Variants in FOXK1 observed in about 807,000 individuals in gnomAD.
FOXK1 encodes the protein forkhead box K1, also known as forkhead box protein K1.
Under a neutral mutation model 51.9 loss-of-function variants are expected in FOXK1, and 19 were observed. That is an observed-to-expected ratio of 0.37 (90% confidence interval 0.26 to 0.54). The LOEUF (loss-of-function observed/expected upper bound fraction) is 0.54, where lower values mean the gene tolerates loss of function less well. Ranked by LOEUF, FOXK1 falls within the 20% of genes least tolerant of loss-of-function variation. The pLI, the probability that FOXK1 is intolerant of heterozygous loss-of-function variation, is 0.87. For synonymous variants in FOXK1, 537 were observed against 482.6 expected (o/e 1.11, Z -1.48); for missense variants, 870 against 1,032.7 (o/e 0.84, Z 2.16).
chr7:4,728,631 C>T (rs1780410708), intron 1 of FOXK1, among the ~76,000 whole-genome samples: 3 of 144,292 alleles, frequency 2.1e-5, no homozygotes, highest in Non-Finnish European at 4.5e-5. Flanking sequence ...TGGTGCAAGC[C>T]TATACTTCTG....
rs1195897690 is a variant in FOXK1 at position 4,756,171 on chromosome 7, G to A, written c.1050+788G>A. On this transcript the variant is annotated intron_variant, in intron 4 of 8. Coordinates refer to ENST00000328914, the MANE Select transcript of FOXK1 (RefSeq NM_001037165.2). This position sits in a 1 kb window ranked among gnomAD's most constrained non-coding sequence, Gnocchi z 4.1. The stretch of plus-strand genomic sequence containing the variant: ...GCTCTGCCATCCCGGCTGGAGTGTG[G>A]TGGCGCGATCTCAGCTCACTGCAAC... Among the ~76,000 whole-genome samples the A allele has an allele frequency of 3.9e-5, 6 of 152,138 alleles. No individual in the cohort carries two copies. The highest frequency in any genetic ancestry group is 5.9e-5 in the Non-Finnish European group (4 of 68,022).
rs549789251 is a variant in FOXK1, at chr7:4,692,665, C to T, written c.560+9797C>T. Among the ~76,000 whole-genome samples, 7 of 152,342 alleles carry T rather than the reference C, an allele frequency of 4.6e-5. 1 individual carries two copies. In the South Asian group the frequency reaches 1.4e-3, roughly 32 times the overall value. On this transcript the variant is annotated intron_variant, in intron 1 of 8. Coordinates refer to ENST00000328914, the MANE Select transcript of FOXK1 (RefSeq NM_001037165.2). Reference sequence around the variant, plus strand: ...CTGACCTCAGGTGATCCGCCTGCCTCAGCCACCCAAAGTGCTGGGATTACA... The same window carrying T: ...CTGACCTCAGGTGATCCGCCTGCCTTAGCCACCCAAAGTGCTGGGATTACA...
At position 4,715,397 on chromosome 7, in the gene FOXK1, C is replaced by G. The variant is rs148643826; in HGVS notation, c.561-25441C>G. ...GGTGGCCCGTGTACAGGAATGGGAT[C>G]GCACGGTGGTCCAGATCGTCTGTGC... On this transcript the variant is annotated intron_variant, in intron 1 of 8. Transcript: ENST00000328914. The surrounding 1 kb of genome is among the most constrained non-coding windows in gnomAD (Gnocchi z 4.5). Among the ~76,000 whole-genome samples the G allele has an allele frequency of 6.6e-6, 1 of 152,048 alleles. No homozygotes were observed. The highest frequency in any genetic ancestry group is 1.5e-5 in the Non-Finnish European group (1 of 68,028).
At chr7:4,744,763 G>A (rs1373991917) in intron 2 of FOXK1, among the ~76,000 whole-genome samples, 1 of 152,238 alleles carries the variant, frequency 6.6e-6, no homozygotes, top group Non-Finnish European at 1.5e-5. Context: ...CAGGAAGGTG[G>A]GGGGCCACCC....
intron 1 of FOXK1, among the ~76,000 whole-genome samples, chr7:4,726,768 A>G (rs1448972668): frequency 2.6e-5 from 4 of 151,790 alleles, no homozygotes; most frequent in South Asian, 2.1e-4. Flanking sequence ...CTTTTCGCCC[A>G]CTCTATTCAT....
chr7:4,688,778 C>A (rs561595357), intron 1 of FOXK1, among the ~76,000 whole-genome samples: 4 of 152,084 alleles, frequency 2.6e-5, no homozygotes, highest in Admixed American at 6.6e-5. Context: ...TGTGTCCCTC[C>A]CCCTTGTCAT....
intron 1 of FOXK1, among the ~76,000 whole-genome samples, chr7:4,689,129 C>G (rs1779858889): frequency 6.6e-6 from 1 of 152,058 alleles, no homozygotes; most frequent in Non-Finnish European, 1.5e-5. Flanking sequence ...AGGCATCCAC[C>G]ACCACGCCTG....
In FOXK1 at chr7:4,765,295, A is replaced by G. The variant is rs988741380; in HGVS notation, c.*2831A>G. ...AGGCCCAGGAAGGGACAGGGCCCAA[A>G]AGGGTTGCATGTCCCGGCCACAAAG... is the stretch of plus-strand genomic sequence containing the variant. On this transcript the variant is annotated 3_prime_UTR_variant, in exon 9 of 9. Coordinates refer to ENST00000328914, the MANE Select transcript of FOXK1 (RefSeq NM_001037165.2). 1 of 152,240 alleles carries G rather than the reference A, an allele frequency of 6.6e-6. No individual in the cohort carries two copies. The highest frequency in any genetic ancestry group is 1.5e-5 in the Non-Finnish European group (1 of 68,056). The allele number at this position is 152,240 out of a possible 1,614,324, so 9.4% of individuals were successfully genotyped here. A position where few individuals can be genotyped will look rare whatever the true frequency, so the allele number is the denominator to read the frequency against.
intron 1 of FOXK1, among the ~76,000 whole-genome samples, chr7:4,718,134 G>A (rs1005670798): frequency 1.3e-5 from 2 of 152,212 alleles, no homozygotes; most frequent in African/African-American, 4.8e-5. Context: ...AGCAGCAGAC[G>A]TGTTGCAGAG....
intron 1 of FOXK1, among the ~76,000 whole-genome samples, chr7:4,718,121 A>G (rs1414881266): frequency 6.6e-6 from 1 of 152,194 alleles, no homozygotes; most frequent in Admixed American, 6.5e-5. Flanking sequence ...CAGATTCACA[A>G]GGAGCAGCAG....
rs1780754364 is a variant in FOXK1, at chr7:4,750,001, G to T, written c.747-4458G>T. 2.0e-5 allele frequency among the ~76,000 whole-genome samples: 3 copies of T among 152,336 alleles called. No individual in the cohort carries two copies. In the South Asian group the frequency reaches 6.2e-4, roughly 32 times the overall value. The stretch of plus-strand genomic sequence containing the variant: ...CCGGCCCCTGGATGCGGTGGAGGCT[G>T]CCCGGGGTGGGTCAGCATGGGGTTG... On this transcript the variant is annotated intron_variant, in intron 2 of 8. Transcript: ENST00000328914.
At chr7:4,739,503 A>G (rs1335117500) in intron 1 of FOXK1, among the ~76,000 whole-genome samples, 1 of 152,200 alleles carries the variant, frequency 6.6e-6, no homozygotes, top group African/African-American at 2.4e-5. Flanking sequence ...GGTGACCTGG[A>G]TAAGTAATGC....
At chr7:4,698,454 G>T (rs1179688670) in intron 1 of FOXK1, among the ~76,000 whole-genome samples, 1 of 151,968 alleles carries the variant, frequency 6.6e-6, no homozygotes, top group Admixed American at 6.6e-5. Flanking sequence ...ACCCAAAAAT[G>T]GGGTGGAGGA....
In FOXK1 at chr7:4,762,655, A is replaced by T. The variant is rs923067551; in HGVS notation, c.*191A>T. 4.7e-5 allele frequency: 28 copies of T among 596,324 alleles called. 1 individual carries two copies. In the African/African-American group the frequency reaches 4.8e-4, roughly 10 times the overall value. The allele number at this position is 596,324 out of a possible 1,614,324, so 36.9% of individuals were successfully genotyped here. On this transcript the variant is annotated 3_prime_UTR_variant, in exon 9 of 9. Transcript: ENST00000328914. This position sits in a 1 kb window ranked among gnomAD's most constrained non-coding sequence, Gnocchi z 5.7. ...TTCCCGTGGTTTAAGACAAAAACAC[A>T]TAAACAAGTTCAGACAACTGATTGT...
intron 1 of FOXK1, among the ~76,000 whole-genome samples, chr7:4,718,852 C>T (rs181636299): frequency 1.3e-5 from 2 of 152,202 alleles, no homozygotes; most frequent in African/African-American, 4.8e-5. Flanking sequence ...TCTTGTCACC[C>T]AGGCTGGAGT....
rs1014001928 is a variant in FOXK1, at chr7:4,686,327, A to G, written c.560+3459A>G. ...TCACCTTGGGACAGGTACATGCCAC[A>G]CACACTTCCAGTAGAGCTCCCACTC... On this transcript the variant is annotated intron_variant, in intron 1 of 8. Transcript: ENST00000328914. Among the ~76,000 whole-genome samples, 25 of 152,172 alleles carry G rather than the reference A, an allele frequency of 1.6e-4. 1 individual carries two copies. Among genetic ancestry groups the G allele is most frequent in the Admixed American group, 1.3e-3 (20 of 15,268 alleles).
intron 1 of FOXK1, among the ~76,000 whole-genome samples, chr7:4,732,906 C>T (rs1201046811): frequency 6.6e-6 from 1 of 152,218 alleles, no homozygotes; most frequent in African/African-American, 2.4e-5. Flanking sequence ...CCAGCGTTCT[C>T]TGTACCTATT....
chr7:4,686,955 C>T (rs1159334611), intron 1 of FOXK1, among the ~76,000 whole-genome samples: 3 of 144,636 alleles, frequency 2.1e-5, no homozygotes, highest in Admixed American at 6.9e-5. Flanking sequence ...TTTTTTGAGA[C>T]AGAGTCTTGC....
chr7:4,725,501 G>A (rs1175282841), intron 1 of FOXK1, among the ~76,000 whole-genome samples: 1 of 152,258 alleles, frequency 6.6e-6, no homozygotes, highest in Admixed American at 6.5e-5. Context: ...GGGGCCAGAT[G>A]TCCGCTTTCT....
Sources: allele counts gnomAD v4.1 joint callset (sites outside exome capture counted in the v4.1 genomes callset), GRCh38; gene constraint gnomAD v4.1.1; non-coding constraint Gnocchi (gnomAD v3.1); transcripts MANE v1.5; gene names NCBI Gene and HGNC (gene_info 2026-07-23, HGNC 2026-07-21).